The following VIPR2 variants were observed in gnomAD, a reference collection of about 807,000 sequenced individuals.
The protein encoded by VIPR2 is vasoactive intestinal polypeptide receptor 2.
A neutral mutation model predicts 58.0 loss-of-function variants in VIPR2; 48 were observed. The observed-to-expected ratio is 0.83, with a 90% CI of 0.66 to 1.05. The LOEUF is 1.05. Ranked by LOEUF, VIPR2 falls within the 50% of genes least tolerant of loss-of-function variation. VIPR2 has a pLI of 0.00. For synonymous variants in VIPR2, 243 were observed against 235.2 expected (o/e 1.03, Z -0.30); for missense variants, 534 against 558.0 (o/e 0.96, Z 0.43).
intron 3 of VIPR2, among the ~76,000 whole-genome samples, chr7:159,107,563 G>C (rs1039598056): frequency 7.9e-5 from 12 of 152,228 alleles, no homozygotes; most frequent in African/African-American, 2.9e-4. Context: ...GCCCGGGTGG[G>C]AAGAGGACTT....
At chr7:159,143,439 G>A (rs1391750707) in intron 1 of VIPR2, among the ~76,000 whole-genome samples, 5 of 151,938 alleles carry the variant, frequency 3.3e-5, no homozygotes, top group Admixed American at 1.3e-4. Context: ...ACTGTTGGGC[G>A]TACTATGGCC....
intron 2 of VIPR2, among the ~76,000 whole-genome samples, chr7:159,110,404 A>C (rs1333272591): frequency 6.6e-6 from 1 of 152,268 alleles, no homozygotes; most frequent in Non-Finnish European, 1.5e-5. Context: ...GAGTTGTCAA[A>C]TAATTTGCAT....
intron 4 of VIPR2, among the ~76,000 whole-genome samples, chr7:159,103,109 C>T (rs1486617869): frequency 6.6e-6 from 1 of 152,210 alleles, no homozygotes; most frequent in Non-Finnish European, 1.5e-5. Flanking sequence ...ACATCCCACA[C>T]TCGGGAGAAA....
At chr7:159,058,651 T>C (rs1855462471) in intron 4 of VIPR2, 73 bp from the exon 5 acceptor site, 21 of 1,160,328 alleles carry the variant, frequency 1.8e-5, no homozygotes, top group Non-Finnish European at 2.5e-5. Context: ...GGTTCCAGGA[T>C]CCAGCCCTGT....
intron 3 of VIPR2, 106 bp from the exon 4 acceptor site, chr7:159,103,960 C>A: frequency 1.1e-6 from 1 of 938,198 alleles, no homozygotes. Flanking sequence ...GCTTCCCACA[C>A]CCAGGGGTCA....
At position 159,090,010 on chromosome 7, in the gene VIPR2, G is replaced by GACC. The variant is rs1563314473; in HGVS notation, c.357+13746_357+13747insGGT. The stretch of plus-strand genomic sequence containing the variant: ...GAGACACTTAGCACAGACATGCTGG[G>GACC]ATCACGCACAGGGGCCACCTCTTGT... On this transcript the variant is annotated intron_variant, in intron 4 of 12. Coordinates refer to ENST00000262178, the MANE Select transcript of VIPR2 (RefSeq NM_003382.5). Among the ~76,000 whole-genome samples, 45 of 152,184 alleles carry GACC rather than the reference G, an allele frequency of 3.0e-4. 4 individuals are homozygous for GACC. Among genetic ancestry groups the GACC allele is most frequent in the African/African-American group, 9.9e-4 (41 of 41,458 alleles).
chr7:159,124,222 A>G (rs182416116), intron 2 of VIPR2, among the ~76,000 whole-genome samples: 3 of 152,340 alleles, frequency 2.0e-5, no homozygotes, highest in Non-Finnish European at 4.4e-5. Context: ...ATCTTTTTCC[A>G]TTCCTGTGTT....
chr7:159,107,852 G>A (rs1306446268), intron 3 of VIPR2, among the ~76,000 whole-genome samples: 1 of 152,230 alleles, frequency 6.6e-6, no homozygotes, highest in African/African-American at 2.4e-5. Context: ...CAGTGTGCTG[G>A]TCACTGTGAT....
chr7:159,122,776 C>G (rs969124072), intron 2 of VIPR2, among the ~76,000 whole-genome samples: 3 of 152,184 alleles, frequency 2.0e-5, no homozygotes, highest in African/African-American at 7.2e-5. Flanking sequence ...TCCTCTATGC[C>G]TATTATCAAT....
intron 6 of VIPR2, among the ~76,000 whole-genome samples, chr7:159,040,426 C>T (rs982156313): frequency 1.3e-5 from 2 of 152,246 alleles, no homozygotes; most frequent in Non-Finnish European, 2.9e-5. Flanking sequence ...TGGGGGTGTG[C>T]TTCTGGGAGT....
Position 159,031,011 on chromosome 7 carries a change from T to C in VIPR2, c.1144-222A>G, listed in dbSNP as rs956070124. The stretch of plus-strand genomic sequence containing the variant: ...GGGGGACGCTGCCAGACTCTAAGAC[T>C]GTGCGTGGGTGGTTCGGGGATCGCC... On this transcript the variant is annotated intron_variant, in intron 12 of 12. Transcript: ENST00000262178. This position sits in a 1 kb window ranked among gnomAD's most constrained non-coding sequence, Gnocchi z 4.0. 7.9e-5 allele frequency among the ~76,000 whole-genome samples: 12 copies of C among 152,348 alleles called. No homozygotes were observed. In the South Asian group the frequency reaches 1.2e-3, roughly 16 times the overall value.
chr7:159,031,414 C>T lies in VIPR2; in HGVS notation c.1143+414G>A. 1 of 984,054 alleles carries T rather than the reference C, an allele frequency of 1.0e-6. No individual in the cohort carries two copies. Among genetic ancestry groups the T allele is most frequent in the Non-Finnish European group, 1.2e-6 (1 of 828,674 alleles). 61.0% of individuals were successfully genotyped at this position (984,054 alleles called of 1,614,324 possible). A position where few individuals can be genotyped will look rare whatever the true frequency, so the allele number is the denominator to read the frequency against. ...GGAATGAACGCAGGGCAGAGCTCGGCTCCGGGCTTCCTCCCCAGGGACTCA... is the reference window on the plus strand; with the variant it reads ...GGAATGAACGCAGGGCAGAGCTCGGTTCCGGGCTTCCTCCCCAGGGACTCA... On this transcript the variant is annotated intron_variant, in intron 12 of 12. Coordinates refer to ENST00000262178, the MANE Select transcript of VIPR2 (RefSeq NM_003382.5). The surrounding 1 kb of genome is among the most constrained non-coding windows in gnomAD (Gnocchi z 4.0).
chr7:159,032,284 A>G (rs1057310522), intron 10 of VIPR2, among the ~76,000 whole-genome samples: 1 of 152,208 alleles, frequency 6.6e-6, no homozygotes. Flanking sequence ...GGGAACGTGC[A>G]TTCCGGAAGT....
chr7:159,119,866 G>GGAAGAAACGCCTGTCCCCTTGATGCACA (rs1796388021), intron 2 of VIPR2, among the ~76,000 whole-genome samples: 1 of 116,492 alleles, frequency 8.6e-6, no homozygotes, highest in African/African-American at 3.0e-5. Context: ...CTTGATGCAC[G>GGAAGAAACGCCTGTCCCCTTGATGCACA]AAGCCTGGTA....
chr7:159,028,902 A>C lies in VIPR2; in HGVS notation c.*1714T>G, dbSNP rs1853383191. Reference sequence around the variant, plus strand: ...AAACCAACCTCGGGTTCATTCTCCCAGAAGTCCAGGGATGAGCTTGTTGCA... The same window carrying C: ...AAACCAACCTCGGGTTCATTCTCCCCGAAGTCCAGGGATGAGCTTGTTGCA... On this transcript the variant is annotated 3_prime_UTR_variant, in exon 13 of 13. Coordinates refer to ENST00000262178, the MANE Select transcript of VIPR2 (RefSeq NM_003382.5). The C allele has an allele frequency of 6.5e-6, 1 of 152,724 alleles. No individual in the cohort carries two copies. Among genetic ancestry groups the C allele is most frequent in the South Asian group, 2.1e-4 (1 of 4,836 alleles). 9.5% of individuals were successfully genotyped at this position (152,724 alleles called of 1,614,324 possible). A position where few individuals can be genotyped will look rare whatever the true frequency, so the allele number is the denominator to read the frequency against.
At chr7:159,101,434 C>T (rs374849013) in intron 4 of VIPR2, among the ~76,000 whole-genome samples, 9 of 129,160 alleles carry the variant, frequency 7.0e-5, no homozygotes, top group Non-Finnish European at 9.5e-5. Flanking sequence ...TCCGACGAGG[C>T]GGTTCCGACT....
intron 8 of VIPR2, 183 bp downstream of exon 8, chr7:159,035,769 C>G: frequency 2.0e-6 from 2 of 985,458 alleles, no homozygotes; most frequent in South Asian, 4.7e-5. Flanking sequence ...GGGGCTTCCT[C>G]CAACACTCCA....
chr7:159,036,800 T>C lies in VIPR2; in HGVS notation c.700A>G (p.Met234Val), dbSNP rs769456799. ...AGGAAGCACCTTCTAGGGGGGAGCATGGCCACCAGGAGGGTGTGGAGGTAG... is the reference window on the plus strand; with the variant it reads ...AGGAAGCACCTTCTAGGGGGGAGCACGGCCACCAGGAGGGTGTGGAGGTAG... ...GLYLHTLLVA[M>V]LPPRRCFLAY... is the part of the protein sequence containing the mutation. Residue 234 changes from methionine to valine, a missense_variant, in exon 7 of 13, where the codon ATG (methionine) becomes GTG (valine). Met to Val is a conservative substitution (Grantham distance 21). Around this residue, in one of 3 missense-constraint regions of VIPR2, gnomAD observed 306 missense variants for 285.8 expected, o/e 1.07. Coordinates refer to ENST00000262178, the MANE Select transcript of VIPR2 (RefSeq NM_003382.5). 1.5e-5 allele frequency: 25 copies of C among 1,613,726 alleles called. No individual in the cohort carries two copies. Among genetic ancestry groups the C allele is most frequent in the South Asian group, 3.3e-5 (3 of 91,076 alleles).
chr7:159,031,322 G>A lies in VIPR2; in HGVS notation c.1143+506C>T, dbSNP rs1044343475. Among the ~76,000 whole-genome samples the A allele has an allele frequency of 2.6e-5, 4 of 152,244 alleles. No homozygotes were observed. The South Asian group carries it at 6.2e-4, about 24-fold the overall frequency. ...AGCGCCAGCAACCGCAGCGTGGGGCGGGAGGGTCAGGGGTCAGGGGACGGG... is the reference window on the plus strand; with the variant it reads ...AGCGCCAGCAACCGCAGCGTGGGGCAGGAGGGTCAGGGGTCAGGGGACGGG... On this transcript the variant is annotated intron_variant, in intron 12 of 12. Transcript: ENST00000262178. This position sits in a 1 kb window ranked among gnomAD's most constrained non-coding sequence, Gnocchi z 4.0.
Sources: gnomAD v4.1 joint callset for allele counts (sites outside exome capture counted in the v4.1 genomes callset) on GRCh38, gnomAD v4.1.1 for gene constraint, gnomAD v4.1.1 regional missense constraint, Gnocchi (gnomAD v3.1) non-coding constraint, MANE v1.5 for transcripts, NCBI Gene and HGNC (gene_info 2026-07-23, HGNC 2026-07-21) for gene names.